Variants in KCNH7 observed in about 807,000 individuals in gnomAD.
KCNH7 encodes voltage-gated inwardly rectifying potassium channel KCNH7.
Under a neutral mutation model 120.8 loss-of-function variants are expected in KCNH7, and 49 were observed. The observed-to-expected ratio is 0.41, with a 90% CI of 0.32 to 0.51. The LOEUF is 0.51. Among genes scored for constraint, KCNH7 ranks in the 20% least tolerant of loss-of-function variants. The pLI is 0.38. For synonymous variants in KCNH7, 547 were observed against 516.1 expected, an observed-to-expected ratio of 1.06 and a Z score of -0.81; for missense variants, 1,097 against 1,446.6, an observed-to-expected ratio of 0.76 and a Z score of 3.92.
At chr2:162,748,643 G>C (rs1337820431) in intron 2 of KCNH7, among the ~76,000 whole-genome samples, 1 of 152,042 alleles carries the variant, frequency 6.6e-6, no homozygotes, top group Non-Finnish European at 1.5e-5. Context: ...ATTTAAGTTT[G>C]CCAGACAGAA....
chr2:162,742,453 C>T (rs535038423), intron 2 of KCNH7, among the ~76,000 whole-genome samples: 5 of 152,180 alleles, frequency 3.3e-5, no homozygotes, highest in African/African-American at 1.2e-4. Context: ...ATATATTTGG[C>T]ATATTTAATC....
At chr2:162,480,957 G>T (rs905975725) in intron 6 of KCNH7, among the ~76,000 whole-genome samples, 1 of 152,134 alleles carries the variant, frequency 6.6e-6, no homozygotes, top group Non-Finnish European at 1.5e-5. Context: ...GAAAATCACT[G>T]TGCTGCTTTT....
At position 162,468,877 on chromosome 2, in the gene KCNH7, A is replaced by C. The variant is rs1422360167; in HGVS notation, c.1129-22434T>G. 3.4e-5 allele frequency among the ~76,000 whole-genome samples: 5 copies of C among 149,020 alleles called. No homozygotes were observed. The East Asian group carries it at 9.9e-4, about 29-fold the overall frequency. On this transcript the variant is annotated intron_variant, in intron 6 of 15. Transcript: ENST00000332142. ...CCCTTTTTTTTTTTTTAAAGAAAGG[A>C]GCTTGCTCTGTTGACCAGGCTGACG...
At chr2:162,443,875 C>T (rs1401898723) in intron 7 of KCNH7, among the ~76,000 whole-genome samples, 2 of 152,176 alleles carry the variant, frequency 1.3e-5, no homozygotes, top group African/African-American at 4.8e-5. Context: ...GTGGTTCAGC[C>T]TGGCAGCCAC....
Position 162,563,430 on chromosome 2 carries a change from A to G in KCNH7, c.308-26350T>C, listed in dbSNP as rs1288305902. On this transcript the variant is annotated intron_variant, in intron 2 of 15. Coordinates refer to ENST00000332142, the MANE Select transcript of KCNH7 (RefSeq NM_033272.4). ...AATTTACATACACATACACACACAG[A>G]GGCACACACATCCTTCTCAGTGGTG... 2.0e-5 allele frequency among the ~76,000 whole-genome samples: 3 copies of G among 152,296 alleles called. No homozygotes were observed. In the East Asian group the frequency reaches 5.8e-4, roughly 29 times the overall value.
At chr2:162,644,263 TAAG>T (rs139528017) in intron 2 of KCNH7, among the ~76,000 whole-genome samples, 3,396 of 152,284 alleles carry the variant, frequency 0.022, 117 homozygotes, top group East Asian at 0.18. Context: ...GTGATTTAAA[TAAG>T]AAGAAACTGA....
intron 2 of KCNH7, among the ~76,000 whole-genome samples, chr2:162,580,993 G>A (rs570730776): frequency 9.9e-5 from 15 of 152,160 alleles, no homozygotes; most frequent in Admixed American, 7.9e-4. Context: ...ACACAAGGAT[G>A]GTCAATGAAG....
At chr2:162,724,738 T>A (rs1687458487) in intron 2 of KCNH7, among the ~76,000 whole-genome samples, 2 of 152,032 alleles carry the variant, frequency 1.3e-5, no homozygotes, top group East Asian at 3.9e-4. Flanking sequence ...CCTCTCTCTC[T>A]CAAAATATCT....
chr2:162,613,952 AGTT>A (rs1683056578), intron 2 of KCNH7, among the ~76,000 whole-genome samples: 1 of 142,016 alleles, frequency 7.0e-6, no homozygotes, highest in African/African-American at 2.5e-5. Flanking sequence ...CCAAAGAGAA[AGTT>A]TTTTTTTTTT....
intron 2 of KCNH7, among the ~76,000 whole-genome samples, chr2:162,738,344 G>C (rs570144018): frequency 6.6e-6 from 1 of 152,148 alleles, no homozygotes; most frequent in East Asian, 1.9e-4. Context: ...TACCCTTGTT[G>C]ACTACCAAGA....
At chr2:162,415,727 C>T (rs1298770540) in intron 9 of KCNH7, among the ~76,000 whole-genome samples, 1 of 151,924 alleles carries the variant, frequency 6.6e-6, no homozygotes, top group African/African-American at 2.4e-5. Context: ...ATTCTGTATG[C>T]TAAGATGGGT....
Position 162,838,501 on chromosome 2 carries a change from C to A in KCNH7, c.18G>T (p.Gly6=). Residue 6 remains glycine, a synonymous_variant, in exon 1 of 16, where the codon GGG becomes GGT. Coordinates refer to ENST00000332142, the MANE Select transcript of KCNH7 (RefSeq NM_033272.4). ...GAAATGTATTTTGTGGTGCCACATG[C>A]CCCCTGCGCACAGGCATGTTGGCCC... MPVRR[G]HVAPQNTFLG... The A allele has an allele frequency of 6.2e-7, 1 of 1,613,004 alleles. No individual in the cohort carries two copies. The highest frequency in any genetic ancestry group is 8.5e-7 in the Non-Finnish European group (1 of 1,179,668).
intron 3 of KCNH7, among the ~76,000 whole-genome samples, chr2:162,532,743 A>G (rs1031851284): frequency 6.6e-6 from 1 of 151,946 alleles, no homozygotes; most frequent in Non-Finnish European, 1.5e-5. Context: ...TGAGGCCAAA[A>G]GAAAAGTAAG....
At chr2:162,613,001 T>C (rs1349700630) in intron 2 of KCNH7, among the ~76,000 whole-genome samples, 1 of 151,920 alleles carries the variant, frequency 6.6e-6, no homozygotes, top group Non-Finnish European at 1.5e-5. Flanking sequence ...ATAAGAAGAT[T>C]TAATATGTAT....
intron 2 of KCNH7, among the ~76,000 whole-genome samples, chr2:162,811,527 A>G (rs1406454400): frequency 6.6e-6 from 1 of 152,166 alleles, no homozygotes; most frequent in Admixed American, 6.5e-5. Context: ...ACTCAAAAAT[A>G]TTAAAGCGAG....
chr2:162,698,382 A>G (rs1206323071), intron 2 of KCNH7, among the ~76,000 whole-genome samples: 1 of 151,864 alleles, frequency 6.6e-6, no homozygotes, highest in Non-Finnish European at 1.5e-5. Flanking sequence ...TCTCTGGGTC[A>G]GTGAATGTAT....
At chr2:162,622,293 G>C (rs1242841752) in intron 2 of KCNH7, among the ~76,000 whole-genome samples, 3 of 152,164 alleles carry the variant, frequency 2.0e-5, no homozygotes, top group African/African-American at 7.2e-5. Flanking sequence ...TGATGATATG[G>C]AGGCTTCGCT....
chr2:162,539,317 C>T (rs1305988381), intron 2 of KCNH7, among the ~76,000 whole-genome samples: 1 of 151,970 alleles, frequency 6.6e-6, no homozygotes, highest in African/African-American at 2.4e-5. Context: ...AATGACATTT[C>T]CTGGATCATT....
At chr2:162,385,317 C>G (rs1055916042) in intron 12 of KCNH7, among the ~76,000 whole-genome samples, 3 of 151,820 alleles carry the variant, frequency 2.0e-5, no homozygotes, top group Admixed American at 6.6e-5. Context: ...ATGCAACTTG[C>G]TATTTGTTTA....
Sources: allele counts gnomAD v4.1 joint callset (sites outside exome capture counted in the v4.1 genomes callset), GRCh38; gene constraint gnomAD v4.1.1; transcripts MANE v1.5; gene names NCBI Gene and HGNC (gene_info 2026-07-23, HGNC 2026-07-21).